KLHL15: variants seen among roughly 807,000 people sequenced by gnomAD.
KLHL15 encodes the protein kelch like family member 15, also known as kelch-like protein 15.
Under a neutral mutation model 29.3 loss-of-function variants are expected in KLHL15, and 1 was observed. The ratio of observed to expected loss-of-function variants is 0.03; its 90% CI spans 0.01 to 0.16. KLHL15 has a LOEUF of 0.16. Ranked by LOEUF, KLHL15 falls within the 10% of genes least tolerant of loss-of-function variation. KLHL15 has a pLI of 1.00. For synonymous variants in KLHL15, 212 were observed against 184.5 expected, an observed-to-expected ratio of 1.15 and a Z score of -1.21; for missense variants, 215 against 478.5, an observed-to-expected ratio of 0.45 and a Z score of 5.14.
Position 23,988,197 on chromosome X carries a change from T to C in KLHL15, c.1539A>G (p.Glu513=). Residue 513 remains glutamate (E), a synonymous_variant, in exon 4 of 4, where the codon GAA becomes GAG. Coordinates refer to ENST00000328046, the MANE Select transcript of KLHL15 (RefSeq NM_030624.3). ...SFESQGCPST[E]VYNPETDQWT... ...ACTGATCAGTCTCTGGGTTGTATAC[T>C]TCTGTAGAAGGGCATCCCTGAGATT... 1 of 1,212,065 alleles carries C rather than the reference T, an allele frequency of 8.3e-7. No individual in the cohort carries two copies. Among genetic ancestry groups the C allele is most frequent in the Non-Finnish European group, 1.1e-6 (1 of 895,478 alleles).
Position 23,988,765 on chromosome X carries a change from A to T in KLHL15, c.971T>A (p.Ile324Asn). The stretch of plus-strand genomic sequence containing the variant: ...TAACAGGAACACAAAATTATTGACG[A>T]TAGCAAGGCAGTCAGGTCGCAGAGG... ...QVPLRPDCLA[I>N]VNNFVFLLGG... The change falls in exon 4 of 4, where the codon ATC becomes AAC. Residue 324 changes from isoleucine to asparagine, a missense_variant. Ile to Asn is a moderately radical substitution (Grantham distance 149). Transcript: ENST00000328046. 8.3e-7 allele frequency: 1 copy of T among 1,211,967 alleles called. No individual in the cohort carries two copies. The highest frequency in any genetic ancestry group is 1.1e-6 in the Non-Finnish European group (1 of 895,610).
At chrX:23,999,377 C>T (rs1198660478) in intron 3 of KLHL15, among the ~76,000 whole-genome samples, 2 of 108,873 alleles carry the variant, frequency 1.8e-5, no homozygotes, top group Non-Finnish European at 3.8e-5. Context: ...AGACGGATCA[C>T]GAGGTCAGGA....
In KLHL15 at chrX:23,989,010, A is replaced by G; in HGVS notation, c.726T>C (p.Tyr242=). The change falls in exon 4 of 4, where the codon TAT becomes TAC. Residue 242 remains tyrosine, a synonymous_variant. Transcript: ENST00000328046. ...VFEKVKTSEF[Y]RYSRQLRYEV... is the part of the protein sequence containing the mutation. ...CGTAACGGAGCTGTCGGGAGTATCT[A>G]TAAAATTCTGATGTCTTAACCTAAG... is the stretch of plus-strand genomic sequence containing the variant. 8 of 1,203,548 alleles carry G rather than the reference A, an allele frequency of 6.6e-6. No homozygotes were observed. Among genetic ancestry groups the G allele is most frequent in the Non-Finnish European group, 9.0e-6 (8 of 891,760 alleles).
intron 3 of KLHL15, among the ~76,000 whole-genome samples, chrX:24,004,093 G>A (rs947763660): frequency 4.5e-5 from 5 of 111,008 alleles, no homozygotes; most frequent in South Asian, 3.8e-4. Flanking sequence ...TCCCTAGAAC[G>A]AATGGGGGCT....
chrX:23,999,154 C>T (rs965644806), intron 3 of KLHL15, among the ~76,000 whole-genome samples: 2 of 110,722 alleles, frequency 1.8e-5, no homozygotes, highest in African/African-American at 3.3e-5. Flanking sequence ...GGTGATCTGC[C>T]CACCTTGGCC....
At position 23,986,066 on chromosome X, in the gene KLHL15, GATT is replaced by G. The variant is rs1036519343; in HGVS notation, c.*1852_*1854del. On this transcript the variant is annotated 3_prime_UTR_variant, in exon 4 of 4. Coordinates refer to ENST00000328046, the MANE Select transcript of KLHL15 (RefSeq NM_030624.3). ...AATATAAGTCTCATATATAAAATAA[GATT>G]ATTATTGATTTTTGAAATCAATGCC... 1 of 109,642 alleles carries G rather than the reference GATT, an allele frequency of 9.1e-6. No individual in the cohort carries two copies. Among genetic ancestry groups the G allele is most frequent in the African/African-American group, 3.3e-5 (1 of 30,537 alleles). The allele number at this position is 109,642 out of a possible 1,213,427, so 9.0% of individuals were successfully genotyped here. A position where few individuals can be genotyped will look rare whatever the true frequency, so the allele number is the denominator to read the frequency against.
intron 3 of KLHL15, among the ~76,000 whole-genome samples, chrX:23,998,356 A>G (rs1306700172): frequency 6.3e-5 from 7 of 110,493 alleles, no homozygotes; most frequent in Non-Finnish European, 1.3e-4. Flanking sequence ...TCCTGGGTTC[A>G]TGCCATTCTC....
rs1347939280 is a variant in KLHL15, at chrX:23,986,343, AT to A, written c.*1577del. On this transcript the variant is annotated 3_prime_UTR_variant, in exon 4 of 4. Transcript: ENST00000328046. ...CAAACAAAGTGAAACTAGAAAATTT[AT>A]ACATCAGCAGCCATATAGAAGGCAT... 3 of 112,506 alleles carry A rather than the reference AT, an allele frequency of 2.7e-5. No homozygotes were observed. The highest frequency in any genetic ancestry group is 9.7e-5 in the African/African-American group (3 of 31,044). The allele number at this position is 112,506 out of a possible 1,213,427, so 9.3% of individuals were successfully genotyped here.
intron 3 of KLHL15, among the ~76,000 whole-genome samples, chrX:23,995,614 AGAATCT>A (rs1929171932): frequency 9.0e-6 from 1 of 111,104 alleles, no homozygotes; most frequent in Non-Finnish European, 1.9e-5. Context: ...TTAAAACTTA[AGAATCT>A]GAATACCATG....
intron 3 of KLHL15, among the ~76,000 whole-genome samples, chrX:23,990,991 A>G (rs1200821033): frequency 9.0e-6 from 1 of 110,851 alleles, no homozygotes; most frequent in African/African-American, 3.3e-5. Context: ...CATGGGCTTC[A>G]CAACATCAGC....
At chrX:24,003,410 G>A (rs986213747) in intron 3 of KLHL15, among the ~76,000 whole-genome samples, 12 of 108,387 alleles carry the variant, frequency 1.1e-4, no homozygotes, top group African/African-American at 4.0e-4. Context: ...AAAATTAGCC[G>A]GGCGTGGTGG....
chrX:23,991,495 G>C (rs1320684305), intron 3 of KLHL15, among the ~76,000 whole-genome samples: 1 of 110,238 alleles, frequency 9.1e-6, no homozygotes, highest in African/African-American at 3.3e-5. Flanking sequence ...CTGCAGCCTG[G>C]GCAACAACAG....
chrX:23,991,551 C>CAAAT (rs887048297), intron 3 of KLHL15, among the ~76,000 whole-genome samples: 2 of 109,979 alleles, frequency 1.8e-5, no homozygotes, highest in African/African-American at 6.6e-5. Context: ...AACAAACAAA[C>CAAAT]CAAAACCAGG....
In KLHL15 at chrX:24,023,796, A is replaced by G. The variant is rs940399646; in HGVS notation, c.-8+1061T>C. ...AAAATGAGAATAAAATTATATAATTACATTAAGTGCTAAAAAGTTGAAATG... is the reference window on the plus strand; with the variant it reads ...AAAATGAGAATAAAATTATATAATTGCATTAAGTGCTAAAAAGTTGAAATG... On this transcript the variant is annotated intron_variant, in intron 2 of 3. Transcript: ENST00000328046. 7.4e-4 allele frequency among the ~76,000 whole-genome samples: 83 copies of G among 112,537 alleles called. 1 individual carries two copies. Among genetic ancestry groups the G allele is most frequent in the Non-Finnish European group, 2.2e-4 (12 of 53,384 alleles).
intron 3 of KLHL15, among the ~76,000 whole-genome samples, chrX:24,003,405 T>C (rs1329324691): frequency 1.9e-5 from 2 of 107,117 alleles, no homozygotes; most frequent in African/African-American, 6.8e-5. Context: ...GCAAAAAAAT[T>C]AGCCGGGCGT....
Position 23,987,232 on chromosome X carries a change from A to G in KLHL15, c.*689T>C, listed in dbSNP as rs775195971. ...AAGACGTTACATCTAAAATTCAACA[A>G]GTATGGCGAACTGTGTGTGCAAGTA... On this transcript the variant is annotated 3_prime_UTR_variant, in exon 4 of 4. Transcript: ENST00000328046. 8.9e-6 allele frequency: 1 copy of G among 111,889 alleles called. No individual in the cohort carries two copies. Among genetic ancestry groups the G allele is most frequent in the African/African-American group, 3.2e-5 (1 of 30,930 alleles). The allele number at this position is 111,889 out of a possible 1,213,427, so 9.2% of individuals were successfully genotyped here. A position where few individuals can be genotyped will look rare whatever the true frequency, so the allele number is the denominator to read the frequency against.
rs778787688 is a variant in KLHL15 at position 23,988,196 on chromosome X, C to A, written c.1540G>T (p.Val514Leu). ...FESQGCPSTE[V>L]YNPETDQWTI... is the part of the protein sequence containing the mutation. The stretch of plus-strand genomic sequence containing the variant: ...CACTGATCAGTCTCTGGGTTGTATA[C>A]TTCTGTAGAAGGGCATCCCTGAGAT... The change falls in exon 4 of 4, where the codon GTA (valine) becomes TTA (leucine). Residue 514 changes from valine to leucine, a missense_variant. By Grantham distance (32) the Val-to-Leu change is conservative. Coordinates refer to ENST00000328046, the MANE Select transcript of KLHL15 (RefSeq NM_030624.3). 2 of 1,212,107 alleles carry A rather than the reference C, an allele frequency of 1.7e-6. No individual in the cohort carries two copies. The highest frequency in any genetic ancestry group is 1.7e-5 in the African/African-American group (1 of 57,899).
intron 3 of KLHL15, among the ~76,000 whole-genome samples, chrX:24,005,223 CTG>C (rs1428529025): frequency 8.9e-6 from 1 of 111,765 alleles, no homozygotes; most frequent in African/African-American, 3.2e-5. Flanking sequence ...AAGTGAAACT[CTG>C]ATATAAAAAT....
chrX:23,990,392 GA>G (rs1357631796), intron 3 of KLHL15, among the ~76,000 whole-genome samples: 1 of 111,232 alleles, frequency 9.0e-6, no homozygotes, highest in Non-Finnish European at 1.9e-5. Context: ...AGACATTCAA[GA>G]GATACTTTGT....
Sources: gnomAD v4.1 joint callset for allele counts (sites outside exome capture counted in the v4.1 genomes callset) on GRCh38, gnomAD v4.1.1 for gene constraint, MANE v1.5 for transcripts, NCBI Gene and HGNC (gene_info 2026-07-23, HGNC 2026-07-21) for gene names.